ORC4: variants seen among roughly 807,000 people sequenced by gnomAD.
ORC4 encodes origin recognition complex, subunit 4 homolog.
In ORC4, 55 loss-of-function variants were observed where a neutral mutation model predicts 63.9. The observed-to-expected ratio is 0.86, with a 90% CI of 0.69 to 1.08. The LOEUF (loss-of-function observed/expected upper bound fraction) is 1.08. Ranked by LOEUF, ORC4 falls within the 50% of genes least tolerant of loss-of-function variation. The probability of loss-of-function intolerance (pLI) is 0.00; values close to 1 mark genes in which losing one functional copy is unlikely to be tolerated. For synonymous variants in ORC4, 150 were observed against 168.5 expected (o/e 0.89, Z 0.85); for missense variants, 511 against 504.4 (o/e 1.01, Z -0.13).
At chr2:147,939,882 A>G (rs17232015) in intron 10 of ORC4, among the ~76,000 whole-genome samples, 2,530 of 152,232 alleles carry the variant, frequency 0.017, 75 homozygotes, top group African/African-American at 0.058. Context: ...CATGAAAGTT[A>G]AATTTGGTCA....
chr2:148,012,784 T>G (rs1179116472), intron 1 of ORC4, among the ~76,000 whole-genome samples: 1 of 152,066 alleles, frequency 6.6e-6, no homozygotes, highest in East Asian at 1.9e-4. Flanking sequence ...GCAAAAGATC[T>G]GAGGAGACAT....
chr2:148,012,873 T>C (rs1199937653), intron 1 of ORC4, among the ~76,000 whole-genome samples: 1 of 152,020 alleles, frequency 6.6e-6, no homozygotes, highest in African/African-American at 2.4e-5. Flanking sequence ...GAAATACAAA[T>C]CAAAACTATA....
chr2:147,943,322 GGGA>G (rs1024849912), intron 10 of ORC4, 111 bp downstream of exon 10: 75 of 717,436 alleles, frequency 1.0e-4, no homozygotes, highest in Admixed American at 4.0e-5. Flanking sequence ...AGGCAGAGGT[GGGA>G]GGATGGCTTA....
In ORC4 at chr2:147,934,655, T is replaced by C. The variant is rs914051203; in HGVS notation, c.*855A>G. On this transcript the variant is annotated 3_prime_UTR_variant, in exon 14 of 14. Coordinates refer to ENST00000392857, the MANE Select transcript of ORC4 (RefSeq NM_181741.4). ...TAGGCTATACAGATAGCCTAGCCTA[T>C]TACTCTTCAGCTATAGCACTGTACA... 5 of 152,184 alleles carry C rather than the reference T, an allele frequency of 3.3e-5. No homozygotes were observed. Among genetic ancestry groups the C allele is most frequent in the African/African-American group, 4.8e-5 (2 of 41,450 alleles). 9.4% of individuals were successfully genotyped at this position (152,184 alleles called of 1,614,324 possible). A position where few individuals can be genotyped will look rare whatever the true frequency, so the allele number is the denominator to read the frequency against.
upstream of ORC4, chr2:148,021,481 T>TTGCTGCTGCTGCTGCTACTGC (rs1553463990): frequency 1.6e-5 from 9 of 573,532 alleles, no homozygotes; most frequent in South Asian, 3.0e-5. Context: ...GCTGCTGCTG[T>TTGCTGCTGCTGCTGCTACTGC]TGCTGCTGCT....
chr2:147,975,370 A>G (rs1042972592), intron 2 of ORC4, among the ~76,000 whole-genome samples: 18 of 152,132 alleles, frequency 1.2e-4, no homozygotes, highest in Non-Finnish European at 1.6e-4. Flanking sequence ...TCCTACAGTT[A>G]ACATCATATA....
intron 1 of ORC4, among the ~76,000 whole-genome samples, chr2:147,989,370 A>AT (rs1227965046): frequency 1.3e-5 from 2 of 152,044 alleles, no homozygotes; most frequent in Non-Finnish European, 2.9e-5. Context: ...TGTTCTGAGC[A>AT]TTTTTTGTTT....
intron 1 of ORC4, among the ~76,000 whole-genome samples, chr2:148,001,873 T>G (rs543869218): frequency 1.3e-5 from 2 of 152,094 alleles, no homozygotes; most frequent in Admixed American, 6.6e-5. Context: ...CCACCTCACT[T>G]GCAAAGACAC....
intron 4 of ORC4, among the ~76,000 whole-genome samples, chr2:147,965,025 G>A (rs1425021858): frequency 1.3e-5 from 2 of 152,050 alleles, no homozygotes; most frequent in African/African-American, 2.4e-5. Flanking sequence ...AAAGCAATCC[G>A]TCATCACTAG....
rs756452260 is a variant in ORC4, at chr2:147,952,523, A to T, written c.438T>A (p.Gly146=). 1 of 1,604,386 alleles carries T rather than the reference A, an allele frequency of 6.2e-7. No individual in the cohort carries two copies. Among genetic ancestry groups the T allele is most frequent in the African/African-American group, 1.3e-5 (1 of 74,732 alleles). The change falls in exon 8 of 14, where the codon GGT becomes GGA. Residue 146 remains glycine (G), a splice_region_variant and synonymous_variant. Transcript: ENST00000392857. ...LSFLLEALKK[G]DRTSSCPVIF... The stretch of plus-strand genomic sequence containing the variant: ...TCACTGGGCAACTGCTAGTTCGGTC[A>T]CCTAAGATAAAATAAGAGCATTACA...
In ORC4 at chr2:147,951,238, C is replaced by T. The variant is rs558845763; in HGVS notation, c.588+1135G>A. Among the ~76,000 whole-genome samples the T allele has an allele frequency of 3.9e-5, 6 of 152,194 alleles. No individual in the cohort carries two copies. In the South Asian group the frequency reaches 8.3e-4, roughly 21 times the overall value. ...AAGGAGATGTGAACATGTAAATGTGCCTGACACATCTGCCGAGAATGGAGG... is the reference window on the plus strand; with the variant it reads ...AAGGAGATGTGAACATGTAAATGTGTCTGACACATCTGCCGAGAATGGAGG... On this transcript the variant is annotated intron_variant, in intron 8 of 13. Transcript: ENST00000392857.
intron 8 of ORC4, among the ~76,000 whole-genome samples, chr2:147,948,813 G>A (rs896618202): frequency 1.1e-4 from 17 of 151,158 alleles, no homozygotes; most frequent in African/African-American, 2.4e-5. Context: ...AAGGACATAC[G>A]AAGTGTTCTT....
chr2:148,013,896 T>C (rs1228466143), intron 1 of ORC4, among the ~76,000 whole-genome samples: 1 of 152,186 alleles, frequency 6.6e-6, no homozygotes, highest in Non-Finnish European at 1.5e-5. Context: ...TGAAATAAAG[T>C]AATGTGAAAT....
chr2:147,978,007 A>G (rs989303563), intron 1 of ORC4, among the ~76,000 whole-genome samples: 1 of 152,124 alleles, frequency 6.6e-6, no homozygotes, highest in Non-Finnish European at 1.5e-5. Context: ...GGCCTGCTGT[A>G]TTGAGAGGGG....
chr2:147,987,682 G>A (rs187633685), intron 1 of ORC4, among the ~76,000 whole-genome samples: 5 of 152,160 alleles, frequency 3.3e-5, no homozygotes, highest in Admixed American at 3.3e-4. Flanking sequence ...GGTCAAAGAG[G>A]TAACAACAAA....
intron 1 of ORC4, among the ~76,000 whole-genome samples, chr2:147,977,650 C>T (rs1277643589): frequency 1.3e-5 from 2 of 152,196 alleles, no homozygotes; most frequent in Non-Finnish European, 2.9e-5. Context: ...GGGCCCTGTC[C>T]TCCCGATAGG....
chr2:147,936,345 T>G (rs1270095508), intron 13 of ORC4: 2 of 152,534 alleles, frequency 1.3e-5, no homozygotes, highest in Non-Finnish European at 2.9e-5. Flanking sequence ...CTTGTCTACT[T>G]CCTCTTATCC....
intron 1 of ORC4, among the ~76,000 whole-genome samples, chr2:147,982,689 G>A (rs990839503): frequency 1.3e-5 from 2 of 152,124 alleles, no homozygotes; most frequent in African/African-American, 2.4e-5. Context: ...AATTTTGACT[G>A]TAAATAAAGT....
At chr2:147,941,509 A>G (rs1481174374) in intron 10 of ORC4, among the ~76,000 whole-genome samples, 1 of 152,040 alleles carries the variant, frequency 6.6e-6, no homozygotes, top group East Asian at 1.9e-4. Flanking sequence ...AAAAAGTTTA[A>G]TTGTAGTATT....
Sources: gnomAD v4.1 joint callset for allele counts (sites outside exome capture counted in the v4.1 genomes callset) on GRCh38, gnomAD v4.1.1 for gene constraint, MANE v1.5 for transcripts, NCBI Gene and HGNC (gene_info 2026-07-23, HGNC 2026-07-21) for gene names.